Variants in MCTP1 observed in about 807,000 individuals in gnomAD.
The protein encoded by MCTP1 is multiple C2 and transmembrane domain-containing protein 1.
In MCTP1, 69 loss-of-function variants were observed where a neutral mutation model predicts 120.6. The observed-to-expected ratio is 0.57, with a 90% CI of 0.47 to 0.70. The LOEUF is 0.70. Among genes scored for constraint, MCTP1 ranks in the 30% least tolerant of loss-of-function variants. MCTP1 has a pLI of 0.00. For missense variants in MCTP1, 1,203 were observed against 1,248.8 expected, an observed-to-expected ratio of 0.96 and a Z score of 0.55; for synonymous variants, 529 against 493.1, an observed-to-expected ratio of 1.07 and a Z score of -0.96.
chr5:94,713,366 A>T (rs902047679), intron 20 of MCTP1, among the ~76,000 whole-genome samples: 5 of 152,080 alleles, frequency 3.3e-5, no homozygotes, highest in Non-Finnish European at 7.4e-5. Flanking sequence ...ATCTGGTCAT[A>T]TCCCTCAGCT....
intron 1 of MCTP1, among the ~76,000 whole-genome samples, chr5:95,207,874 C>T (rs533311930): frequency 1.1e-4 from 16 of 147,796 alleles, no homozygotes; most frequent in Admixed American, 9.1e-4. Flanking sequence ...ACAGAAAGCA[C>T]AACTGCAGCA....
chr5:95,117,561 G>T (rs918284916), intron 1 of MCTP1, among the ~76,000 whole-genome samples: 2 of 152,122 alleles, frequency 1.3e-5, no homozygotes, highest in Non-Finnish European at 2.9e-5. Context: ...TCACACTGTT[G>T]GTGGGAATGT....
chr5:94,855,840 T>C (rs375775877), intron 17 of MCTP1, among the ~76,000 whole-genome samples: 6 of 151,808 alleles, frequency 4.0e-5, no homozygotes, highest in African/African-American at 1.4e-4. Context: ...CTCTGATGAA[T>C]GTTAAGACAA....
rs1167590537 is a variant in MCTP1, at chr5:94,931,964, T to G, written c.1201A>C (p.Arg401=). 1.9e-6 allele frequency: 3 copies of G among 1,604,214 alleles called. No individual in the cohort carries two copies. The highest frequency in any genetic ancestry group is 3.3e-5 in the Admixed American group (2 of 59,846). Residue 401 remains arginine (R), a synonymous_variant, in exon 6 of 23, where the codon AGA becomes CGA. Transcript: ENST00000515393. ...VTMLMRKSWK[R]SSKELSENEV... ...AAGCTAAGAATTACCTTACTTGATCTTTTCCAACTCTTCCTCATTAGCATT... is the reference window on the plus strand; with the variant it reads ...AAGCTAAGAATTACCTTACTTGATCGTTTCCAACTCTTCCTCATTAGCATT...
At chr5:94,960,966 T>G (rs1350453222) in intron 2 of MCTP1, among the ~76,000 whole-genome samples, 1 of 152,128 alleles carries the variant, frequency 6.6e-6, no homozygotes, top group South Asian at 2.1e-4. Context: ...TAAAGACACA[T>G]GCACACGTAT....
intron 3 of MCTP1, among the ~76,000 whole-genome samples, chr5:94,949,856 G>T (rs945019414): frequency 1.2e-4 from 19 of 152,012 alleles, no homozygotes; most frequent in African/African-American, 4.3e-4. Context: ...GAGGATGTGG[G>T]CATCATATCA....
At chr5:95,193,303 C>T in intron 1 of MCTP1, among the ~76,000 whole-genome samples, 1 of 152,130 alleles carries the variant, frequency 6.6e-6, no homozygotes, top group Non-Finnish European at 1.5e-5. Flanking sequence ...AGATAACACA[C>T]TGTTTTGTGA....
At chr5:94,709,010 G>T (rs1755755749) in intron 21 of MCTP1, 2 of 155,938 alleles carry the variant, frequency 1.3e-5, no homozygotes, top group Non-Finnish European at 2.8e-5. Flanking sequence ...TTTTCCAAAA[G>T]ATGCACCTTT....
At chr5:94,818,152 T>C (rs1049158784) in intron 17 of MCTP1, among the ~76,000 whole-genome samples, 1 of 152,136 alleles carries the variant, frequency 6.6e-6, no homozygotes, top group Non-Finnish European at 1.5e-5. Flanking sequence ...CTGTCTAAGA[T>C]GAATGCTAAC....
At chr5:94,732,324 G>A (rs952947315) in intron 19 of MCTP1, among the ~76,000 whole-genome samples, 8 of 151,730 alleles carry the variant, frequency 5.3e-5, no homozygotes, top group African/African-American at 1.7e-4. Flanking sequence ...ATGAGACTTC[G>A]TGATTTTTTT....
At position 94,987,216 on chromosome 5, in the gene MCTP1, TAACTC is replaced by T. The variant is rs369424558; in HGVS notation, c.838+30146_838+30150del. 7.2e-5 allele frequency among the ~76,000 whole-genome samples: 11 copies of T among 152,302 alleles called. No individual in the cohort carries two copies. In the East Asian group the frequency reaches 2.1e-3, roughly 29 times the overall value. On this transcript the variant is annotated intron_variant, in intron 2 of 22. Transcript: ENST00000515393. ...ATTGTTCTTACCACTTTGCATGTCT[TAACTC>T]AGTAAGTCTTCATAATAATTTTATA...
chr5:94,907,786 G>GA (rs144315354), intron 10 of MCTP1, among the ~76,000 whole-genome samples: 23,619 of 147,816 alleles, frequency 0.16, 2,154 homozygotes, highest in African/African-American at 0.25. Context: ...GTCATTATAC[G>GA]AAAAAAAAAA....
At chr5:95,082,059 A>C (rs1334107379) in intron 1 of MCTP1, among the ~76,000 whole-genome samples, 1 of 152,230 alleles carries the variant, frequency 6.6e-6, no homozygotes, top group East Asian at 1.9e-4. Context: ...AATGTGTAGA[A>C]AAAAATTCCA....
chr5:94,912,706 C>G (rs941968811), intron 9 of MCTP1, 100 bp downstream of exon 9: 2 of 908,324 alleles, frequency 2.2e-6, no homozygotes, highest in South Asian at 5.1e-5. Context: ...GTTTGTTAAG[C>G]ATTTAAAACA....
At chr5:94,744,510 A>ATT (rs34436221) in intron 19 of MCTP1, among the ~76,000 whole-genome samples, 137 of 148,118 alleles carry the variant, frequency 9.2e-4, no homozygotes, top group Admixed American at 1.5e-3. Context: ...TTTCACTAAC[A>ATT]TTTTTTTTTT....
rs1837324358 is a variant in MCTP1 at position 95,017,405 on chromosome 5, A to T, written c.800T>A (p.Leu267Ter). The change falls in exon 2 of 23, where the codon TTA becomes TAA. Residue 267 changes from leucine (L) to a stop codon, truncating the protein, a stop_gained. Coordinates refer to ENST00000515393, the MANE Select transcript of MCTP1 (RefSeq NM_024717.7). LOFTEE classifies it high-confidence loss of function. Reference protein sequence around the residue: ...DPGMYQLDITLRRGQSLAARD... With the variant: ...DPGMYQLDIT ...AGCAGCTAAACTTTGACCCCTTCTT[A>T]ATGTAATGTCCAGCTGGTACATTCC... 6.2e-7 allele frequency: 1 copy of T among 1,609,796 alleles called. No individual in the cohort carries two copies. The highest frequency in any genetic ancestry group is 1.1e-5 in the South Asian group (1 of 90,634).
chr5:94,832,161 C>T (rs1788660201), intron 17 of MCTP1, among the ~76,000 whole-genome samples: 1 of 152,194 alleles, frequency 6.6e-6, no homozygotes. Context: ...TATTCAACAG[C>T]TGCTTTAGGA....
At chr5:94,708,138 G>T in intron 22 of MCTP1, 1 of 159,884 alleles carries the variant, frequency 6.3e-6, no homozygotes. Flanking sequence ...TGTAACTCTT[G>T]CAAATTCTGG....
intron 19 of MCTP1, among the ~76,000 whole-genome samples, chr5:94,742,530 T>C (rs930841819): frequency 2.8e-4 from 43 of 152,350 alleles, no homozygotes; most frequent in Non-Finnish European, 3.8e-4. Context: ...AAGTGCTCCC[T>C]GGGTCTTAGA....
Sources: gnomAD v4.1 joint callset for allele counts (sites outside exome capture counted in the v4.1 genomes callset) on GRCh38, gnomAD v4.1.1 for gene constraint, MANE v1.5 for transcripts, NCBI Gene and HGNC (gene_info 2026-07-23, HGNC 2026-07-21) for gene names.